Variants in SNTG1 observed in about 807,000 individuals in gnomAD.
SNTG1 encodes the protein gamma-1-syntrophin.
A neutral mutation model predicts 74.7 loss-of-function variants in SNTG1; 39 were observed. The ratio of observed to expected loss-of-function variants is 0.52; its 90% confidence interval spans 0.40 to 0.68. SNTG1 has a LOEUF of 0.68. SNTG1 is among the 30% of genes least tolerant of loss of function. SNTG1 has a pLI of 0.00. For synonymous variants in SNTG1, 254 were observed against 217.1 expected (o/e 1.17, Z -1.49); for missense variants, 685 against 609.5 (o/e 1.12, Z -1.30).
chr8:50,681,802 AT>A (rs1021043283), intron 15 of SNTG1, among the ~76,000 whole-genome samples: 5 of 152,320 alleles, frequency 3.3e-5, no homozygotes, highest in Admixed American at 3.3e-4. Flanking sequence ...TCTCCCTTGC[AT>A]TTCAAACAAA....
At chr8:50,187,253 C>T (rs1274393038) in intron 2 of SNTG1, among the ~76,000 whole-genome samples, 1 of 152,138 alleles carries the variant, frequency 6.6e-6, no homozygotes, top group Non-Finnish European at 1.5e-5. Context: ...ACCCTGCTAC[C>T]TGACTTCAAA....
At chr8:50,375,243 C>G (rs1453911211) in intron 2 of SNTG1, among the ~76,000 whole-genome samples, 1 of 152,082 alleles carries the variant, frequency 6.6e-6, no homozygotes, top group African/African-American at 2.4e-5. Flanking sequence ...AATCTATACT[C>G]TAATGTCATC....
intron 1 of SNTG1, among the ~76,000 whole-genome samples, chr8:50,107,576 T>TG (rs2080423522): frequency 6.6e-6 from 1 of 151,788 alleles, no homozygotes; most frequent in South Asian, 2.1e-4. Flanking sequence ...TTGTTTTTTT[T>TG]GTTTTGTTTT....
intron 2 of SNTG1, among the ~76,000 whole-genome samples, chr8:50,330,075 G>T (rs2090904838): frequency 6.6e-6 from 1 of 152,132 alleles, no homozygotes; most frequent in African/African-American, 2.4e-5. Context: ...TGGTTTGGCT[G>T]TGTCCCCACA....
At chr8:50,171,594 C>G (rs190087857) in intron 1 of SNTG1, among the ~76,000 whole-genome samples, 2 of 152,298 alleles carry the variant, frequency 1.3e-5, no homozygotes, top group African/African-American at 4.8e-5. Flanking sequence ...AGGTTCAATA[C>G]TTTGCATCCT....
chr8:50,609,400 G>C (rs1234424912), intron 13 of SNTG1, among the ~76,000 whole-genome samples: 1 of 152,062 alleles, frequency 6.6e-6, no homozygotes, highest in Non-Finnish European at 1.5e-5. Flanking sequence ...CTGATATAAA[G>C]TTAGCTGTTA....
chr8:49,946,333 A>G (rs907552988), intron 1 of SNTG1, among the ~76,000 whole-genome samples: 1 of 152,226 alleles, frequency 6.6e-6, no homozygotes, highest in South Asian at 2.1e-4. Context: ...CTTTGTAGAC[A>G]TAATAGTTCA....
At chr8:50,077,733 A>G (rs1487197487) in intron 1 of SNTG1, among the ~76,000 whole-genome samples, 1 of 152,168 alleles carries the variant, frequency 6.6e-6, no homozygotes, top group Non-Finnish European at 1.5e-5. Context: ...TTTGGAGACA[A>G]TTACTGCTTC....
chr8:50,594,136 A>C (rs1337081047), intron 13 of SNTG1, among the ~76,000 whole-genome samples: 1 of 152,196 alleles, frequency 6.6e-6, no homozygotes, highest in Non-Finnish European at 1.5e-5. Flanking sequence ...GGATAACTGA[A>C]TGGAAGTCAA....
rs139173574 is a variant in SNTG1 at position 50,065,144 on chromosome 8, T to A, written c.-102-107417T>A. 5.5e-4 allele frequency among the ~76,000 whole-genome samples: 84 copies of A among 152,310 alleles called. 3 individuals are homozygous for A. In the East Asian group the frequency reaches 0.015, roughly 28 times the overall value. On this transcript the variant is annotated intron_variant, in intron 1 of 18. Coordinates refer to ENST00000642720, the MANE Select transcript of SNTG1 (RefSeq NM_018967.5). ...GCTTAAAATAGTTATTCAAATATCA[T>A]GAGTCAATAAAATAATCAATTTACT...
chr8:50,431,772 C>G (rs1327260123), intron 4 of SNTG1, among the ~76,000 whole-genome samples: 1 of 152,146 alleles, frequency 6.6e-6, no homozygotes, highest in Non-Finnish European at 1.5e-5. Flanking sequence ...GCAATTCCCC[C>G]TGACAAATGA....
At chr8:50,178,241 G>C (rs1190173506) in intron 2 of SNTG1, among the ~76,000 whole-genome samples, 32 of 152,144 alleles carry the variant, frequency 2.1e-4, no homozygotes, top group Admixed American at 1.8e-3. Flanking sequence ...TTGCAAAGCT[G>C]TTTTCCAATG....
chr8:49,914,947 C>A (rs150531214), intron 1 of SNTG1: 1 of 152,254 alleles, frequency 6.6e-6, no homozygotes, highest in East Asian at 1.9e-4. Context: ...AGAGAGATCT[C>A]TTATTTGGTG....
chr8:50,727,397 T>C (rs2095502718), intron 17 of SNTG1, among the ~76,000 whole-genome samples: 1 of 152,172 alleles, frequency 6.6e-6, no homozygotes, highest in Non-Finnish European at 1.5e-5. Context: ...GAGAGAGCTT[T>C]CAACAGATGA....
intron 1 of SNTG1, among the ~76,000 whole-genome samples, chr8:50,103,436 C>T (rs1249605353): frequency 6.6e-6 from 1 of 152,156 alleles, no homozygotes; most frequent in African/African-American, 2.4e-5. Context: ...GCTGAAGTTG[C>T]TTATCAGCTT....
In SNTG1 at chr8:50,245,614, C is replaced by T. The variant is rs772548585; in HGVS notation, c.-28+72979C>T. ...AGGAGAATCCCTTGAACCCAGGAGG[C>T]GGAGGTTGCCATGAGCCGAGATTGC... On this transcript the variant is annotated intron_variant, in intron 2 of 18. Transcript: ENST00000642720. 4.6e-5 allele frequency among the ~76,000 whole-genome samples: 7 copies of T among 152,098 alleles called. No homozygotes were observed. In the East Asian group the frequency reaches 5.8e-4, roughly 13 times the overall value.
At chr8:49,999,645 C>T (rs1007297088) in intron 1 of SNTG1, among the ~76,000 whole-genome samples, 2 of 152,142 alleles carry the variant, frequency 1.3e-5, no homozygotes, top group Admixed American at 6.5e-5. Context: ...CACTCTTCCC[C>T]CAATGTCTGC....
At chr8:49,966,201 T>A (rs1202345343) in intron 1 of SNTG1, among the ~76,000 whole-genome samples, 5 of 152,262 alleles carry the variant, frequency 3.3e-5, no homozygotes, top group African/African-American at 1.2e-4. Context: ...GAAGCTTTGG[T>A]AAAGTTGCTT....
At chr8:50,337,076 A>C (rs1484740245) in intron 2 of SNTG1, among the ~76,000 whole-genome samples, 1 of 152,192 alleles carries the variant, frequency 6.6e-6, no homozygotes, top group African/African-American at 2.4e-5. Context: ...CCTGCATTGC[A>C]TCAGATTAGA....
Sources: allele counts gnomAD v4.1 joint callset (sites outside exome capture counted in the v4.1 genomes callset), GRCh38; gene constraint gnomAD v4.1.1; transcripts MANE v1.5; gene names NCBI Gene and HGNC (gene_info 2026-07-23, HGNC 2026-07-21).